Variants in KSR2 observed in about 807,000 individuals in gnomAD.
KSR2 encodes kinase suppressor of ras 2.
A neutral mutation model predicts 107.8 loss-of-function variants in KSR2; 25 were observed. That is an observed-to-expected ratio of 0.23 (90% CI 0.17 to 0.32). The LOEUF (loss-of-function observed/expected upper bound fraction) is 0.32, where lower values mean the gene tolerates loss of function less well. Among genes scored for constraint, KSR2 ranks in the 10% least tolerant of loss-of-function variants. The probability of loss-of-function intolerance (pLI) is 1.00; values close to 1 mark genes in which losing one functional copy is unlikely to be tolerated. For missense variants in KSR2, 887 were observed against 1,268.9 expected (o/e 0.70, Z 4.57); for synonymous variants, 480 against 507.0 (o/e 0.95, Z 0.71).
intron 10 of KSR2, among the ~76,000 whole-genome samples, chr12:117,536,574 G>A (rs999291440): frequency 6.6e-6 from 1 of 151,900 alleles, no homozygotes. Context: ...TATGCACACT[G>A]GTACACAGAC....
At chr12:117,810,154 C>A (rs1891146500) in intron 3 of KSR2, among the ~76,000 whole-genome samples, 1 of 151,970 alleles carries the variant, frequency 6.6e-6, no homozygotes, top group Non-Finnish European at 1.5e-5. Context: ...TTTTTTTTGT[C>A]TTTTGTTTTG....
intron 4 of KSR2, among the ~76,000 whole-genome samples, chr12:117,732,579 A>G (rs1449834828): frequency 6.6e-6 from 1 of 152,052 alleles, no homozygotes; most frequent in African/African-American, 2.4e-5. Context: ...TGTGAGCCAC[A>G]GCGCCTGGCC....
At chr12:117,793,176 A>G (rs549156981) in intron 3 of KSR2, among the ~76,000 whole-genome samples, 1 of 140,886 alleles carries the variant, frequency 7.1e-6, no homozygotes, top group South Asian at 2.2e-4. Flanking sequence ...CAACATGTAC[A>G]CACACCAATG....
intron 3 of KSR2, 87 bp from the exon 4 acceptor site, chr12:117,761,611 A>G (rs1889027325): frequency 2.4e-6 from 3 of 1,227,400 alleles, no homozygotes; most frequent in East Asian, 2.3e-5. Flanking sequence ...CATCATACAC[A>G]CATTACACCA....
At chr12:117,704,122 C>A (rs10850887) in intron 4 of KSR2, among the ~76,000 whole-genome samples, 19,221 of 151,822 alleles carry the variant, frequency 0.13, 1,428 homozygotes, top group East Asian at 0.26. Flanking sequence ...TATTCATATT[C>A]GTGGATGGAA....
At chr12:117,870,148 A>G (rs1313234392) in intron 1 of KSR2, among the ~76,000 whole-genome samples, 2 of 152,202 alleles carry the variant, frequency 1.3e-5, no homozygotes, top group African/African-American at 4.8e-5. Flanking sequence ...CCTCAGGGGC[A>G]GAGAGAGGGC....
intron 1 of KSR2, among the ~76,000 whole-genome samples, chr12:117,901,514 G>T (rs1894683654): frequency 6.6e-6 from 1 of 151,970 alleles, no homozygotes; most frequent in East Asian, 1.9e-4. Context: ...TATTGCCCAG[G>T]CTGGTCTCGA....
At chr12:117,524,753 C>T in intron 14 of KSR2, 99 bp downstream of exon 14, 1 of 1,374,400 alleles carries the variant, frequency 7.3e-7, no homozygotes, top group Non-Finnish European at 9.8e-7. Context: ...TAGAGATGGT[C>T]TATTAACCAG....
chr12:117,879,998 T>A (rs1362219351), intron 1 of KSR2, among the ~76,000 whole-genome samples: 1 of 152,090 alleles, frequency 6.6e-6, no homozygotes, highest in Non-Finnish European at 1.5e-5. Flanking sequence ...AATACAAAAT[T>A]AGCCAGGCAT....
At chr12:117,612,636 C>T (rs1200436756) in intron 5 of KSR2, among the ~76,000 whole-genome samples, 2 of 151,208 alleles carry the variant, frequency 1.3e-5, no homozygotes, top group African/African-American at 2.4e-5. Context: ...TTCTGAGATA[C>T]ACAAATAAGC....
At chr12:117,573,519 G>A (rs1593007439) in intron 7 of KSR2, among the ~76,000 whole-genome samples, 1 of 125,582 alleles carries the variant, frequency 8.0e-6, no homozygotes, top group African/African-American at 3.2e-5. Context: ...CCTATCACAT[G>A]TTATCTTTTT....
intron 10 of KSR2, among the ~76,000 whole-genome samples, chr12:117,533,444 CCAGATTATAT>C (rs919604975): frequency 6.6e-6 from 1 of 152,168 alleles, no homozygotes; most frequent in African/African-American, 2.4e-5. Flanking sequence ...TAGTCCAATT[CCAGATTATAT>C]CAAATAGTTG....
intron 9 of KSR2, among the ~76,000 whole-genome samples, chr12:117,543,598 T>C (rs759875647): frequency 1.3e-5 from 2 of 152,250 alleles, no homozygotes; most frequent in Non-Finnish European, 1.5e-5. Context: ...TGGGATCTTG[T>C]TATAAATTGT....
chr12:117,484,757 C>A (rs550261858), intron 15 of KSR2, among the ~76,000 whole-genome samples: 5 of 152,298 alleles, frequency 3.3e-5, no homozygotes, highest in Non-Finnish European at 4.4e-5. Context: ...CCCCAAGACA[C>A]AAATCCACTG....
intron 17 of KSR2, 119 bp from the exon 18 acceptor site, chr12:117,471,439 T>C: frequency 9.1e-7 from 1 of 1,095,740 alleles, no homozygotes; most frequent in East Asian, 2.6e-5. Flanking sequence ...CTCCCCACTT[T>C]CTTCCTCATG....
At chr12:117,517,007 C>T (rs542038652) in intron 14 of KSR2, among the ~76,000 whole-genome samples, 33 of 152,222 alleles carry the variant, frequency 2.2e-4, no homozygotes, top group Admixed American at 7.2e-4. Context: ...CACTTGTAGG[C>T]GGCTCACAGA....
Position 117,968,320 on chromosome 12 carries a change from G to C in KSR2, c.-65C>G, listed in dbSNP as rs1896861603. 2 of 1,436,932 alleles carry C rather than the reference G, an allele frequency of 1.4e-6. No homozygotes were observed. Among genetic ancestry groups the C allele is most frequent in the Non-Finnish European group, 1.8e-6 (2 of 1,104,374 alleles). 89.0% of individuals were successfully genotyped at this position (1,436,932 alleles called of 1,614,324 possible). A position where few individuals can be genotyped will look rare whatever the true frequency, so the allele number is the denominator to read the frequency against. ...GAGAGAAAAAAGAGGGGGGGGAGTA[G>C]AGGTAGTCTACCCTCCGCCTCTCCA... On this transcript the variant is annotated 5_prime_UTR_variant, in exon 1 of 20. Coordinates refer to ENST00000339824, the MANE Select transcript of KSR2 (RefSeq NM_173598.6).
chr12:117,526,218 C>T (rs905250470), intron 13 of KSR2, among the ~76,000 whole-genome samples: 3 of 152,194 alleles, frequency 2.0e-5, no homozygotes, highest in Admixed American at 6.5e-5. Flanking sequence ...AGGCGTACTT[C>T]GGCGTAACTA....
At chr12:117,936,527 T>TAGTAGTAGTAGTAGTAG (rs1566089596) in intron 1 of KSR2, among the ~76,000 whole-genome samples, 4 of 119,582 alleles carry the variant, frequency 3.3e-5, no homozygotes, top group Non-Finnish European at 7.0e-5. Context: ...ATTATTATTA[T>TAGTAGTAGTAGTAGTAG]TATTATTAGT....
Sources: gnomAD v4.1 joint callset for allele counts (sites outside exome capture counted in the v4.1 genomes callset) on GRCh38, gnomAD v4.1.1 for gene constraint, MANE v1.5 for transcripts, NCBI Gene and HGNC (gene_info 2026-07-23, HGNC 2026-07-21) for gene names.